The following MMP16 variants were observed in gnomAD, a reference collection of about 807,000 sequenced individuals.
MMP16 encodes the protein matrix metalloproteinase-16.
Under a neutral mutation model 67.8 loss-of-function variants are expected in MMP16, and 12 were observed. The observed-to-expected ratio is 0.18, with a 90% CI of 0.11 to 0.29. MMP16 has a LOEUF of 0.29. Among genes scored for constraint, MMP16 ranks in the 10% least tolerant of loss-of-function variants. The pLI is 1.00. For missense variants in MMP16, 475 were observed against 765.7 expected, an observed-to-expected ratio of 0.62 and a Z score of 4.48; for synonymous variants, 249 against 255.9, an observed-to-expected ratio of 0.97 and a Z score of 0.26.
intron 4 of MMP16, among the ~76,000 whole-genome samples, chr8:88,120,441 T>A (rs1225536641): frequency 6.6e-6 from 1 of 151,950 alleles, no homozygotes; most frequent in Non-Finnish European, 1.5e-5. Context: ...CTGATAACCA[T>A]GTGGCTTACT....
Position 88,282,088 on chromosome 8 carries a change from G to T in MMP16, c.132+44987C>A, listed in dbSNP as rs1321580729. On this transcript the variant is annotated intron_variant, in intron 1 of 9. Transcript: ENST00000286614. ...CAGATTTTTTTTTCTTTTTTGGGGGGGGGGGGGCGACGGGGTCTTGCTGTC... is the reference window on the plus strand; with the variant it reads ...CAGATTTTTTTTTCTTTTTTGGGGGTGGGGGGGCGACGGGGTCTTGCTGTC... Among the ~76,000 whole-genome samples, 5 of 148,644 alleles carry T rather than the reference G, an allele frequency of 3.4e-5. 1 individual carries two copies. Among genetic ancestry groups the T allele is most frequent in the South Asian group, 2.1e-4 (1 of 4,672 alleles).
At position 88,058,040 on chromosome 8, in the gene MMP16, A is replaced by C. The variant is rs1808353116; in HGVS notation, c.1223-1762T>G. Among the ~76,000 whole-genome samples the C allele has an allele frequency of 6.6e-6, 1 of 152,180 alleles. No homozygotes were observed. The highest frequency in any genetic ancestry group is 1.5e-5 in the Non-Finnish European group (1 of 68,026). On this transcript the variant is annotated intron_variant, in intron 7 of 9. Transcript: ENST00000286614. This position sits in a 1 kb window ranked among gnomAD's most constrained non-coding sequence, Gnocchi z 4.2. ...AAAAAGGTCAGGGAAGACCTCTCTG[A>C]AGAAATACACCAAAATCTAAAGAAA...
At position 88,278,859 on chromosome 8, in the gene MMP16, T is replaced by A. The variant is rs189095566; in HGVS notation, c.132+48216A>T. On this transcript the variant is annotated intron_variant, in intron 1 of 9. Coordinates refer to ENST00000286614, the MANE Select transcript of MMP16 (RefSeq NM_005941.5). ...TACAATCCTAACTTGTAGATTTGCA[T>A]AAATAACATAGCTACATAAAATTAA... Among the ~76,000 whole-genome samples the A allele has an allele frequency of 6.6e-5, 10 of 152,204 alleles. No individual in the cohort carries two copies. In the East Asian group the frequency reaches 1.5e-3, roughly 24 times the overall value.
At chr8:88,253,205 A>T (rs889727851) in intron 1 of MMP16, among the ~76,000 whole-genome samples, 7 of 152,038 alleles carry the variant, frequency 4.6e-5, no homozygotes, top group African/African-American at 4.8e-5. Context: ...ACTTAATATT[A>T]TTCCAGGTCT....
chr8:88,148,044 A>G (rs1172300376), intron 4 of MMP16, among the ~76,000 whole-genome samples: 1 of 152,106 alleles, frequency 6.6e-6, no homozygotes, highest in African/African-American at 2.4e-5. Context: ...CAGATTTACT[A>G]TCTGCAAATC....
chr8:88,263,023 C>CAAATAAATAAATAAATAAAT (rs35062853), intron 1 of MMP16, among the ~76,000 whole-genome samples: 19 of 146,672 alleles, frequency 1.3e-4, no homozygotes, highest in Admixed American at 6.1e-4. Flanking sequence ...GACTCCGTCT[C>CAAATAAATAAATAAATAAAT]AAATAAATAA....
chr8:88,283,178 C>T (rs572922034), intron 1 of MMP16, among the ~76,000 whole-genome samples: 2 of 152,106 alleles, frequency 1.3e-5, no homozygotes, highest in Non-Finnish European at 2.9e-5. Context: ...AACATAGTTA[C>T]ATTGATTCCA....
chr8:88,180,551 A>C (rs1229259310), intron 3 of MMP16, among the ~76,000 whole-genome samples: 1 of 152,134 alleles, frequency 6.6e-6, no homozygotes, highest in Non-Finnish European at 1.5e-5. Flanking sequence ...GCCATTACAT[A>C]ATGATAAAGG....
At chr8:88,066,747 G>A (rs78083281) in intron 7 of MMP16, among the ~76,000 whole-genome samples, 140 of 152,080 alleles carry the variant, frequency 9.2e-4, no homozygotes, top group African/African-American at 3.1e-3. Context: ...CTACACATGC[G>A]AGGTTGAAAG....
intron 4 of MMP16, among the ~76,000 whole-genome samples, chr8:88,123,376 A>G (rs900037742): frequency 6.6e-6 from 1 of 151,846 alleles, no homozygotes; most frequent in Non-Finnish European, 1.5e-5. Context: ...AAATTTCCAG[A>G]GGTAGATGTA....
intron 3 of MMP16, among the ~76,000 whole-genome samples, chr8:88,182,599 A>T (rs549520653): frequency 6.6e-6 from 1 of 152,300 alleles, no homozygotes; most frequent in African/African-American, 2.4e-5. Context: ...TCTCTCATTT[A>T]CTGCTGGTAA....
At chr8:88,271,944 T>C (rs1184789993) in intron 1 of MMP16, among the ~76,000 whole-genome samples, 1 of 152,208 alleles carries the variant, frequency 6.6e-6, no homozygotes, top group African/African-American at 2.4e-5. Context: ...ATTTGAACAT[T>C]GGCTCAGCAA....
intron 4 of MMP16, among the ~76,000 whole-genome samples, chr8:88,148,900 G>A (rs571911495): frequency 2.2e-4 from 34 of 152,340 alleles, no homozygotes; most frequent in Admixed American, 1.5e-3. Context: ...ACAGCTCCCA[G>A]CGTGAGCGAC....
At chr8:88,319,259 G>A (rs1464733087) in intron 1 of MMP16, among the ~76,000 whole-genome samples, 1 of 152,030 alleles carries the variant, frequency 6.6e-6, no homozygotes, top group Non-Finnish European at 1.5e-5. Context: ...ACTTTTCTAT[G>A]TTTGTTCTCA....
In MMP16 at chr8:88,075,103, T is replaced by C. The variant is rs28991883; in HGVS notation, c.1084-360A>G. The stretch of plus-strand genomic sequence containing the variant: ...CAGCGTTAGGGCCATGCATGCTTCC[T>C]AACGTTTTTAAATATATGCAAAATC... On this transcript the variant is annotated intron_variant, in intron 6 of 9. Transcript: ENST00000286614. Among the ~76,000 whole-genome samples the C allele has an allele frequency of 6.7e-3, 1,017 of 152,218 alleles. 17 individuals are homozygous for C. Among genetic ancestry groups the C allele is most frequent in the African/African-American group, 0.022 (901 of 41,546 alleles).
chr8:88,286,240 C>T (rs1260548680), intron 1 of MMP16, among the ~76,000 whole-genome samples: 1 of 152,136 alleles, frequency 6.6e-6, no homozygotes, highest in Non-Finnish European at 1.5e-5. Flanking sequence ...CTACACAAAG[C>T]CATTCAGTGT....
intron 4 of MMP16, among the ~76,000 whole-genome samples, chr8:88,121,366 T>C (rs577320654): frequency 6.6e-6 from 1 of 152,102 alleles, no homozygotes; most frequent in African/African-American, 2.4e-5. Context: ...CTCCAAGTAA[T>C]TACCATTCTT....
chr8:88,322,846 G>A (rs1232148632), intron 1 of MMP16, among the ~76,000 whole-genome samples: 1 of 151,984 alleles, frequency 6.6e-6, no homozygotes, highest in Admixed American at 6.5e-5. Context: ...GAGTGATCCG[G>A]CCCAGGCAAC....
At chr8:88,300,454 G>A (rs1245420304) in intron 1 of MMP16, among the ~76,000 whole-genome samples, 4 of 152,252 alleles carry the variant, frequency 2.6e-5, no homozygotes, top group South Asian at 4.1e-4. Context: ...TGAATCCAAC[G>A]TATTCATACT....
Sources: allele counts gnomAD v4.1 joint callset (sites outside exome capture counted in the v4.1 genomes callset), GRCh38; gene constraint gnomAD v4.1.1; non-coding constraint Gnocchi (gnomAD v3.1); transcripts MANE v1.5; gene names NCBI Gene and HGNC (gene_info 2026-07-23, HGNC 2026-07-21).